The following NUFIP2 variants were observed in gnomAD, a reference collection of about 807,000 sequenced individuals.
NUFIP2 encodes the protein FMR1-interacting protein NUFIP2.
Under a neutral mutation model 56.9 loss-of-function variants are expected in NUFIP2, and 6 were observed. The observed-to-expected ratio is 0.11, with a 90% confidence interval of 0.06 to 0.21. The LOEUF (loss-of-function observed/expected upper bound fraction) is 0.21, where lower values mean the gene tolerates loss of function less well. Ranked by LOEUF, NUFIP2 falls within the 10% of genes least tolerant of loss-of-function variation. The pLI is 1.00. For missense variants in NUFIP2, 828 were observed against 826.8 expected, an observed-to-expected ratio of 1.00 and a Z score of -0.02; for synonymous variants, 321 against 298.2, an observed-to-expected ratio of 1.08 and a Z score of -0.79.
intron 2 of NUFIP2, among the ~76,000 whole-genome samples, chr17:29,285,594 A>G (rs959054116): frequency 2.0e-5 from 3 of 151,916 alleles, no homozygotes; most frequent in Admixed American, 6.6e-5. Flanking sequence ...CATCTCAAAG[A>G]AAAAAAACAC....
chr17:29,292,147 T>C (rs1375025627), intron 1 of NUFIP2, among the ~76,000 whole-genome samples: 1 of 152,178 alleles, frequency 6.6e-6, no homozygotes, highest in Non-Finnish European at 1.5e-5. Flanking sequence ...TTAAGATTAG[T>C]TTGGGGATCA....
intron 3 of NUFIP2, among the ~76,000 whole-genome samples, chr17:29,265,987 T>TC (rs2069033974): frequency 6.6e-6 from 1 of 152,194 alleles, no homozygotes. Flanking sequence ...TTCCTTTTTT[T>TC]CAGACGAAGT....
At chr17:29,278,396 G>A (rs377468968) in intron 2 of NUFIP2, among the ~76,000 whole-genome samples, 201 of 151,916 alleles carry the variant, frequency 1.3e-3, no homozygotes, top group African/African-American at 4.5e-3. Flanking sequence ...ACAGGTACCC[G>A]CCACTGCGCC....
At chr17:29,284,287 T>C (rs2069157502) in intron 2 of NUFIP2, among the ~76,000 whole-genome samples, 1 of 152,218 alleles carries the variant, frequency 6.6e-6, no homozygotes, top group Non-Finnish European at 1.5e-5. Context: ...AACCCACTGT[T>C]CTCAAAAGCA....
intron 1 of NUFIP2, among the ~76,000 whole-genome samples, chr17:29,291,010 T>G (rs114781852): frequency 0.012 from 1,754 of 147,028 alleles, 35 homozygotes; most frequent in African/African-American, 0.042. Flanking sequence ...GAAGCCACTG[T>G]GCTCCCGCCC....
intron 1 of NUFIP2, among the ~76,000 whole-genome samples, chr17:29,288,729 T>C (rs1249169118): frequency 6.6e-6 from 1 of 152,266 alleles, no homozygotes; most frequent in Non-Finnish European, 1.5e-5. Context: ...ACCGCCAGTC[T>C]ATCTGCAATC....
At chr17:29,270,431 T>G (rs1038384351) in intron 2 of NUFIP2, among the ~76,000 whole-genome samples, 5 of 152,054 alleles carry the variant, frequency 3.3e-5, no homozygotes, top group South Asian at 4.1e-4. Context: ...CGAGGAACAG[T>G]TAAATGTTCT....
chr17:29,278,243 T>A (rs1244019870), intron 2 of NUFIP2, among the ~76,000 whole-genome samples: 1 of 149,782 alleles, frequency 6.7e-6, no homozygotes, highest in African/African-American at 2.5e-5. Context: ...TAATCTCATG[T>A]ACTTTATTAT....
In NUFIP2 at chr17:29,287,688, T is replaced by G. The variant is rs778587628; in HGVS notation, c.306A>C (p.Gly102=). The G allele has an allele frequency of 1.9e-6, 3 of 1,611,156 alleles. No homozygotes were observed. Among genetic ancestry groups the G allele is most frequent in the Admixed American group, 3.4e-5 (2 of 59,436 alleles). The change falls in exon 2 of 4, where the codon GGA becomes GGC. Residue 102 remains glycine (G), a synonymous_variant. Coordinates refer to ENST00000225388, the MANE Select transcript of NUFIP2 (RefSeq NM_020772.3). Reference sequence around the variant, plus strand: ...GGTTCTTTAAAGATATTTCTCTTTCTCCAGCATTACCGTTTAGTTCACCAT... The same window carrying G: ...GGTTCTTTAAAGATATTTCTCTTTCGCCAGCATTACCGTTTAGTTCACCAT... ...TGYGELNGNA[G]EREISLKNLS... is the part of the protein sequence containing the mutation.
At chr17:29,276,498 A>C (rs1211438359) in intron 2 of NUFIP2, among the ~76,000 whole-genome samples, 1 of 151,588 alleles carries the variant, frequency 6.6e-6, no homozygotes, top group East Asian at 1.9e-4. Context: ...ATGCCTGGCT[A>C]ATTTTTGTAT....
chr17:29,255,921 T>C lies in NUFIP2; in HGVS notation c.*8618A>G, dbSNP rs2068968821. On this transcript the variant is annotated 3_prime_UTR_variant, in exon 4 of 4. Coordinates refer to ENST00000225388, the MANE Select transcript of NUFIP2 (RefSeq NM_020772.3). ...CAAATTTCTCAAGTTTTTTTTCTGA[T>C]AAAATAAGTAAATCTGGGTATGGTT... The C allele has an allele frequency of 1.3e-5, 2 of 152,218 alleles. No homozygotes were observed. Among genetic ancestry groups the C allele is most frequent in the Non-Finnish European group, 2.9e-5 (2 of 68,036 alleles). 9.4% of individuals were successfully genotyped at this position (152,218 alleles called of 1,614,324 possible).
Position 29,286,039 on chromosome 17 carries a change from C to T in NUFIP2, c.1955G>A (p.Ser652Asn), listed in dbSNP as rs2069171328. 6.2e-7 allele frequency: 1 copy of T among 1,614,068 alleles called. No homozygotes were observed. Among genetic ancestry groups the T allele is most frequent in the Non-Finnish European group, 8.5e-7 (1 of 1,179,944 alleles). Residue 652 changes from serine (S) to asparagine (N), a missense_variant, in exon 2 of 4, where the codon AGC (serine) becomes AAC (asparagine). Transcript: ENST00000225388. ...RYQRGLERNDSWGSFDLRAAI... is the reference protein window; with the variant it reads ...RYQRGLERNDNWGSFDLRAAI... ...AGCCCTCAGGTCAAAAGAACCCCAG[C>T]TATCATTCCTTTCTAGGCCTCTCTG... is the stretch of plus-strand genomic sequence containing the variant.
chr17:29,270,341 A>AAG (rs71359291), intron 2 of NUFIP2, among the ~76,000 whole-genome samples: 1 of 151,716 alleles, frequency 6.6e-6, no homozygotes, highest in African/African-American at 2.4e-5. Flanking sequence ...AAAAAAAAAA[A>AAG]GATGACGATC....
At chr17:29,290,504 A>G (rs1477304920) in intron 1 of NUFIP2, among the ~76,000 whole-genome samples, 2 of 151,732 alleles carry the variant, frequency 1.3e-5, no homozygotes, top group African/African-American at 4.8e-5. Context: ...AAAAAAAGAA[A>G]AAAAAAATCA....
intron 1 of NUFIP2, among the ~76,000 whole-genome samples, chr17:29,289,922 GTTAT>G (rs1356219592): frequency 1.3e-5 from 2 of 152,088 alleles, no homozygotes; most frequent in Non-Finnish European, 2.9e-5. Context: ...TCTTATAACA[GTTAT>G]TTTTTTTCTT....
In NUFIP2 at chr17:29,255,841, A is replaced by C. The variant is rs1180408677; in HGVS notation, c.*8698T>G. 1 of 152,252 alleles carries C rather than the reference A, an allele frequency of 6.6e-6. No homozygotes were observed. The highest frequency in any genetic ancestry group is 1.5e-5 in the Non-Finnish European group (1 of 68,046). 9.4% of individuals were successfully genotyped at this position (152,252 alleles called of 1,614,324 possible). On this transcript the variant is annotated 3_prime_UTR_variant, in exon 4 of 4. Coordinates refer to ENST00000225388, the MANE Select transcript of NUFIP2 (RefSeq NM_020772.3). ...CACAAAAGATAACAAACACCTCAGA[A>C]ACTTTAAAATTTTTTATTCAACAAT...
At chr17:29,282,431 C>G (rs2069145835) in intron 2 of NUFIP2, among the ~76,000 whole-genome samples, 2 of 151,584 alleles carry the variant, frequency 1.3e-5, no homozygotes, top group South Asian at 2.1e-4. Context: ...ACCTGTAATC[C>G]CAGCTACTCA....
chr17:29,267,908 T>C (rs1222328324), intron 2 of NUFIP2, among the ~76,000 whole-genome samples: 1 of 127,124 alleles, frequency 7.9e-6, no homozygotes, highest in Non-Finnish European at 1.6e-5. Flanking sequence ...GTAACTCTTT[T>C]GTTTTTTTGA....
chr17:29,280,553 G>A (rs1163103092), intron 2 of NUFIP2, among the ~76,000 whole-genome samples: 1 of 152,008 alleles, frequency 6.6e-6, no homozygotes, highest in African/African-American at 2.4e-5. Flanking sequence ...ATGGGTGGTA[G>A]CGCAAACCTA....
Sources: gnomAD v4.1 joint callset for allele counts (sites outside exome capture counted in the v4.1 genomes callset) on GRCh38, gnomAD v4.1.1 for gene constraint, MANE v1.5 for transcripts, NCBI Gene and HGNC (gene_info 2026-07-23, HGNC 2026-07-21) for gene names.